The following STIM2 variants were observed in gnomAD, a reference collection of about 807,000 sequenced individuals.
STIM2 encodes the protein stromal interaction molecule 2.
In STIM2, 31 loss-of-function variants were observed where a neutral mutation model predicts 85.8. The observed-to-expected ratio is 0.36, with a 90% CI of 0.27 to 0.49. STIM2 has a LOEUF of 0.49. Ranked by LOEUF, STIM2 falls within the 20% of genes least tolerant of loss-of-function variation. STIM2 has a pLI of 0.98. For synonymous variants in STIM2, 356 were observed against 331.1 expected, an observed-to-expected ratio of 1.08 and a Z score of -0.82; for missense variants, 841 against 927.6, an observed-to-expected ratio of 0.91 and a Z score of 1.21.
intron 1 of STIM2, among the ~76,000 whole-genome samples, chr4:26,870,822 T>C (rs1156241341): frequency 6.6e-6 from 1 of 152,170 alleles, no homozygotes. Context: ...GGCTATGTGC[T>C]GTATTTTACT....
Position 26,893,643 on chromosome 4 carries a change from A to G in STIM2, c.152-25861A>G, listed in dbSNP as rs532323618. ...TGCACATTTTTTGAGTGAGTTTTTC[A>G]AGGGTGTGTAACCAAGGAGGTTGCT... On this transcript the variant is annotated intron_variant, in intron 1 of 11. Coordinates refer to ENST00000467087, the MANE Select transcript of STIM2 (RefSeq NM_020860.4). 4.4e-3 allele frequency among the ~76,000 whole-genome samples: 673 copies of G among 152,226 alleles called. 8 individuals carry two copies. Among genetic ancestry groups the G allele is most frequent in the African/African-American group, 0.016 (652 of 41,538 alleles).
chr4:26,862,557 T>C, intron 1 of STIM2, among the ~76,000 whole-genome samples: 1 of 152,266 alleles, frequency 6.6e-6, no homozygotes, highest in African/African-American at 2.4e-5. Context: ...TTTACTATTC[T>C]AGAGAGAAGA....
At chr4:26,937,997 T>TC (rs1041366880) in intron 2 of STIM2, among the ~76,000 whole-genome samples, 4 of 152,086 alleles carry the variant, frequency 2.6e-5, no homozygotes, top group Admixed American at 6.6e-5. Flanking sequence ...TGTCTTTTTT[T>TC]CCTCTGGAAA....
chr4:26,957,795 CACTT>C (rs1726306865), intron 3 of STIM2, 69 bp downstream of exon 3: 1 of 903,696 alleles, frequency 1.1e-6, no homozygotes, highest in Non-Finnish European at 1.7e-6. Flanking sequence ...GTTCTCAACT[CACTT>C]ATAGTATGCT....
rs1160656482 is a variant in STIM2 at position 26,934,913 on chromosome 4, C to CAA, written c.282+15301_282+15302dup. Among the ~76,000 whole-genome samples the CAA allele has an allele frequency of 9.8e-3, 550 of 55,850 alleles. 2 individuals are homozygous for CAA. The highest frequency in any genetic ancestry group is 0.012 in the Non-Finnish European group (322 of 27,248). 36.6% of individuals were successfully genotyped at this position (55,850 alleles called of 152,430 possible). A position where few individuals can be genotyped will look rare whatever the true frequency, so the allele number is the denominator to read the frequency against. ...GGGCAATAAGAGCGAAACTCCATCTCAAAAAAAAAAAAAAAAAAAAAAAGA... is the reference window on the plus strand; with the variant it reads ...GGGCAATAAGAGCGAAACTCCATCTCAAAAAAAAAAAAAAAAAAAAAAAAAGA... On this transcript the variant is annotated intron_variant, in intron 2 of 11. Transcript: ENST00000467087.
At chr4:26,943,474 C>T (rs555973458) in intron 2 of STIM2, among the ~76,000 whole-genome samples, 4 of 152,200 alleles carry the variant, frequency 2.6e-5, no homozygotes, top group Admixed American at 2.6e-4. Flanking sequence ...TACTTAGGCT[C>T]GCACCTGGAT....
chr4:26,886,976 A>T (rs777268960), intron 1 of STIM2, among the ~76,000 whole-genome samples: 6 of 152,118 alleles, frequency 3.9e-5, no homozygotes, highest in Admixed American at 1.3e-4. Flanking sequence ...GTGGAGCTAT[A>T]TGTGGATGCT....
intron 3 of STIM2, among the ~76,000 whole-genome samples, chr4:26,959,090 C>G (rs1485018106): frequency 6.6e-6 from 1 of 152,140 alleles, no homozygotes; most frequent in Non-Finnish European, 1.5e-5. Context: ...TCTTCTTCAC[C>G]TAGCAGAGTA....
chr4:26,864,048 G>A (rs990263673), intron 1 of STIM2, among the ~76,000 whole-genome samples: 1 of 151,976 alleles, frequency 6.6e-6, no homozygotes, highest in African/African-American at 2.4e-5. Context: ...AAATTATCCT[G>A]TGTTTATTTG....
In STIM2 at chr4:26,904,283, A is replaced by G. The variant is rs543439047; in HGVS notation, c.152-15221A>G. 2.0e-5 allele frequency among the ~76,000 whole-genome samples: 3 copies of G among 152,182 alleles called. No individual in the cohort carries two copies. The East Asian group carries it at 5.8e-4, about 29-fold the overall frequency. On this transcript the variant is annotated intron_variant, in intron 1 of 11. Coordinates refer to ENST00000467087, the MANE Select transcript of STIM2 (RefSeq NM_020860.4). ...AAACATTTTTTCAGGTATAATTGAC[A>G]GACAATAAATGATTCATACTTAAAG...
At chr4:26,896,872 A>T (rs1337482676) in intron 1 of STIM2, among the ~76,000 whole-genome samples, 2 of 152,190 alleles carry the variant, frequency 1.3e-5, no homozygotes, top group East Asian at 3.8e-4. Context: ...TTCATAGTCA[A>T]ACCCTATTCC....
intron 11 of STIM2, among the ~76,000 whole-genome samples, chr4:27,020,051 C>A (rs1169637428): frequency 1.3e-5 from 2 of 152,236 alleles, no homozygotes; most frequent in Non-Finnish European, 2.9e-5. Context: ...AAATTGAGAC[C>A]TCAAGAGATC....
At chr4:27,003,239 ATGT>A in intron 7 of STIM2, 135 bp downstream of exon 7, 1 of 810,190 alleles carries the variant, frequency 1.2e-6, no homozygotes, top group South Asian at 2.3e-5. Context: ...TCATTTGTTT[ATGT>A]TGTTAGCATT....
intron 2 of STIM2, among the ~76,000 whole-genome samples, chr4:26,920,819 A>G (rs766485511): frequency 6.6e-6 from 1 of 152,198 alleles, no homozygotes; most frequent in African/African-American, 2.4e-5. Context: ...TAGTATGTGT[A>G]AAACAAAATC....
Position 27,022,535 on chromosome 4 carries a change from G to C in STIM2, c.1780G>C (p.Ala594Pro). 6.3e-7 allele frequency: 1 copy of C among 1,595,518 alleles called. No individual in the cohort carries two copies. Among genetic ancestry groups the C allele is most frequent in the Non-Finnish European group, 8.6e-7 (1 of 1,166,290 alleles). ...TTCATTCAGGGAAGTGCCAGACACA[G>C]CTTCAGAATGTGACTCCTTAAATTC... Residue 594 changes from alanine (A) to proline (P), a missense_variant, in exon 12 of 12, where the codon GCT becomes CCT. This residue lies in a region of STIM2 where 293 missense variants were observed against 284.5 expected (regional missense o/e 1.03). Transcript: ENST00000467087.
intron 7 of STIM2, among the ~76,000 whole-genome samples, chr4:27,003,860 T>TG (rs569571558): frequency 2.9e-3 from 437 of 152,264 alleles, no homozygotes; most frequent in African/African-American, 0.01. Flanking sequence ...TCTCAGCTCA[T>TG]GCCCCTTCGT....
intron 2 of STIM2, among the ~76,000 whole-genome samples, chr4:26,922,895 G>C (rs1348856183): frequency 6.6e-6 from 1 of 152,128 alleles, no homozygotes; most frequent in Non-Finnish European, 1.5e-5. Flanking sequence ...TCTGTGCCTG[G>C]AACCTAGGAC....
At chr4:26,892,910 A>AC (rs1189362280) in intron 1 of STIM2, among the ~76,000 whole-genome samples, 6 of 152,226 alleles carry the variant, frequency 3.9e-5, no homozygotes, top group African/African-American at 1.4e-4. Context: ...GGTATGTGTT[A>AC]GTTTGCTCAA....
chr4:26,932,769 A>G (rs1179425068), intron 2 of STIM2, among the ~76,000 whole-genome samples: 1 of 152,196 alleles, frequency 6.6e-6, no homozygotes, highest in East Asian at 1.9e-4. Flanking sequence ...GTACTTGTCA[A>G]CAACAGAAAA....
Sources: allele counts gnomAD v4.1 joint callset (sites outside exome capture counted in the v4.1 genomes callset), GRCh38; gene constraint gnomAD v4.1.1; regional missense constraint gnomAD v4.1.1; transcripts MANE v1.5; gene names NCBI Gene and HGNC (gene_info 2026-07-23, HGNC 2026-07-21).